Variants in NINJ2 observed in about 807,000 individuals in gnomAD.
NINJ2 encodes the protein ninjurin 2.
NINJ2 carries 12 observed loss-of-function variants against 11.7 expected under a neutral mutation model. That is an observed-to-expected ratio of 1.02 (90% CI 0.66 to 1.66). The LOEUF is 1.66. Ranked by LOEUF, NINJ2 falls within the 40% of genes most tolerant of loss-of-function variation. The pLI, the probability that NINJ2 is intolerant of heterozygous loss-of-function variation, is 0.00. For missense variants in NINJ2, 187 were observed against 181.8 expected, an observed-to-expected ratio of 1.03 and a Z score of -0.16; for synonymous variants, 93 against 76.8, an observed-to-expected ratio of 1.21 and a Z score of -1.10.
At chr12:586,328 A>G (rs1189928532) in intron 1 of NINJ2, 4 of 152,208 alleles carry the variant, frequency 2.6e-5, no homozygotes, top group Non-Finnish European at 5.9e-5. Context: ...TGGCTGCTTC[A>G]TTATTTCCAT....
At chr12:612,210 C>T (rs748608019) in intron 1 of NINJ2, among the ~76,000 whole-genome samples, 3 of 152,200 alleles carry the variant, frequency 2.0e-5, no homozygotes, top group African/African-American at 7.2e-5. Flanking sequence ...TGCACGCAGA[C>T]TATTACACAC....
At chr12:576,459 C>A (rs1947462919) in intron 1 of NINJ2, among the ~76,000 whole-genome samples, 1 of 152,342 alleles carries the variant, frequency 6.6e-6, no homozygotes, top group Middle Eastern at 3.4e-3. Flanking sequence ...TGCGTTGAAA[C>A]CGGAACTCGG....
chr12:565,316 C>T lies in NINJ2; in HGVS notation c.348G>A (p.Val116=). Residue 116 remains valine (V), a synonymous_variant, in exon 3 of 4, where the codon GTG becomes GTA. Coordinates refer to ENST00000305108, the MANE Select transcript of NINJ2 (RefSeq NM_016533.6). ...NAATILVFFT[V]VINVFITAFG... ...AGGCTGTAATGAAAACATTGATGAC[C>T]ACAGTGAAGAAGACCAAGATGGTGG... The T allele has an allele frequency of 6.2e-7, 1 of 1,614,208 alleles. No homozygotes were observed. The highest frequency in any genetic ancestry group is 8.5e-7 in the Non-Finnish European group (1 of 1,180,042).
chr12:634,686 G>C (rs1948326800), intron 1 of NINJ2, among the ~76,000 whole-genome samples: 1 of 152,170 alleles, frequency 6.6e-6, no homozygotes, highest in Admixed American at 6.5e-5. Flanking sequence ...TCGTACCCAA[G>C]ATATTAAGGG....
At chr12:570,686 G>A (rs1193176484) in intron 1 of NINJ2, among the ~76,000 whole-genome samples, 1 of 151,896 alleles carries the variant, frequency 6.6e-6, no homozygotes, top group African/African-American at 2.4e-5. Context: ...CCCTGGCCCT[G>A]GCCCTGGCCT....
intron 1 of NINJ2, among the ~76,000 whole-genome samples, chr12:653,991 AG>A (rs1221373533): frequency 6.6e-6 from 1 of 152,200 alleles, no homozygotes; most frequent in Non-Finnish European, 1.5e-5. Context: ...TGAAGCCAGG[AG>A]TAAGACTAGC....
chr12:578,527 A>G (rs11063687), intron 1 of NINJ2, among the ~76,000 whole-genome samples: 57,835 of 151,692 alleles, frequency 0.38, 11,870 homozygotes, highest in African/African-American at 0.51. Flanking sequence ...TATGTTGCCC[A>G]GGCTGGTTTT....
At chr12:566,246 G>C (rs1246605288) in intron 1 of NINJ2, 68 bp from the exon 2 acceptor site, 1 of 1,316,412 alleles carries the variant, frequency 7.6e-7, no homozygotes, top group Admixed American at 2.1e-5. Flanking sequence ...AGGTGGGAGA[G>C]AGGAGAGAGG....
chr12:587,991 C>T (rs139324449), intron 1 of NINJ2, among the ~76,000 whole-genome samples: 1,649 of 151,252 alleles, frequency 0.011, 17 homozygotes, highest in Middle Eastern at 0.027. Context: ...AGGGAGGGGA[C>T]GACCTACACA....
intron 1 of NINJ2, among the ~76,000 whole-genome samples, chr12:658,584 G>T (rs1415196531): frequency 6.6e-6 from 1 of 152,198 alleles, no homozygotes; most frequent in Non-Finnish European, 1.5e-5. Flanking sequence ...TAGGGGTTCA[G>T]AGGGGAAGGA....
chr12:655,226 C>G (rs1230129532), intron 1 of NINJ2, among the ~76,000 whole-genome samples: 1 of 152,220 alleles, frequency 6.6e-6, no homozygotes, highest in Non-Finnish European at 1.5e-5. Flanking sequence ...CAAGTCTTAG[C>G]AGTTTCCCAG....
chr12:611,253 C>CTCTT (rs1565634912), intron 1 of NINJ2, among the ~76,000 whole-genome samples: 1 of 84,236 alleles, frequency 1.2e-5, no homozygotes, highest in African/African-American at 6.1e-5. Context: ...CTTTCTCTCT[C>CTCTT]TCTCTTTCTT....
chr12:637,363 TG>T (rs1948364697), intron 1 of NINJ2, among the ~76,000 whole-genome samples: 1 of 124,836 alleles, frequency 8.0e-6, no homozygotes, highest in Non-Finnish European at 1.7e-5. Flanking sequence ...AAAAGAAGGC[TG>T]GGCATGGTGG....
chr12:621,329 T>G (rs144582126), intron 1 of NINJ2, among the ~76,000 whole-genome samples: 2 of 151,806 alleles, frequency 1.3e-5, no homozygotes, highest in African/African-American at 4.8e-5. Flanking sequence ...TGGCACACAC[T>G]TGTAGTCCCA....
intron 1 of NINJ2, among the ~76,000 whole-genome samples, chr12:622,000 G>C (rs1948158381): frequency 6.6e-6 from 1 of 151,764 alleles, no homozygotes; most frequent in South Asian, 2.1e-4. Flanking sequence ...GCAGGTGCCT[G>C]TAATCCCAGC....
At chr12:596,230 A>G (rs189830157) in intron 1 of NINJ2, among the ~76,000 whole-genome samples, 2 of 152,366 alleles carry the variant, frequency 1.3e-5, no homozygotes, top group East Asian at 3.9e-4. Flanking sequence ...AGCTTTATAT[A>G]TAACTGCCAA....
Position 633,892 on chromosome 12 carries a change from C to T in NINJ2, c.33+29436G>A, listed in dbSNP as rs531574871. Among the ~76,000 whole-genome samples the T allele has an allele frequency of 1.3e-5, 2 of 152,232 alleles. No homozygotes were observed. The highest frequency in any genetic ancestry group is 4.8e-5 in the African/African-American group (2 of 41,554). On this transcript the variant is annotated intron_variant, in intron 1 of 3. Coordinates refer to ENST00000305108, the MANE Select transcript of NINJ2 (RefSeq NM_016533.6). This position sits in a 1 kb window ranked among gnomAD's most constrained non-coding sequence, Gnocchi z 4.3. ...CCTTTGCCTGGTTATTTAAAAATCCCCCATAATTCGGCCCCACCCCACCTA... is the reference window on the plus strand; with the variant it reads ...CCTTTGCCTGGTTATTTAAAAATCCTCCATAATTCGGCCCCACCCCACCTA...
intron 1 of NINJ2, among the ~76,000 whole-genome samples, chr12:604,584 G>C (rs1343687005): frequency 2.0e-5 from 3 of 152,204 alleles, no homozygotes; most frequent in Admixed American, 6.5e-5. Flanking sequence ...GCTGCAGTGA[G>C]CTGAGATGGC....
intron 1 of NINJ2, among the ~76,000 whole-genome samples, chr12:639,047 T>C (rs1948389659): frequency 2.0e-5 from 3 of 152,036 alleles, no homozygotes; most frequent in South Asian, 4.1e-4. Context: ...ATTAAAGCAA[T>C]CAGGCACAGT....
Sources: allele counts gnomAD v4.1 joint callset (sites outside exome capture counted in the v4.1 genomes callset), GRCh38; gene constraint gnomAD v4.1.1; non-coding constraint Gnocchi (gnomAD v3.1); transcripts MANE v1.5; gene names NCBI Gene and HGNC (gene_info 2026-07-23, HGNC 2026-07-21).